The following KCNQ5 variants were observed in gnomAD, a reference collection of about 807,000 sequenced individuals.
KCNQ5 encodes potassium voltage-gated channel subfamily KQT member 5.
KCNQ5 carries 30 observed loss-of-function variants against 98.2 expected under a neutral mutation model. The observed-to-expected ratio is 0.31, with a 90% CI of 0.23 to 0.41. The LOEUF (loss-of-function observed/expected upper bound fraction) is 0.41. Among genes scored for constraint, KCNQ5 ranks in the 10% least tolerant of loss-of-function variants. The pLI is 1.00. For missense variants in KCNQ5, 835 were observed against 1,182.5 expected (o/e 0.71, Z 4.31); for synonymous variants, 458 against 449.4 (o/e 1.02, Z -0.24).
intron 1 of KCNQ5, among the ~76,000 whole-genome samples, chr6:72,754,258 T>C (rs1007614464): frequency 3.3e-5 from 5 of 152,146 alleles, no homozygotes; most frequent in African/African-American, 1.2e-4. Flanking sequence ...TCAAATGCTA[T>C]TTTTATATCT....
chr6:73,145,435 T>C (rs569298150), intron 10 of KCNQ5, among the ~76,000 whole-genome samples: 4 of 152,356 alleles, frequency 2.6e-5, no homozygotes, highest in African/African-American at 9.6e-5. Context: ...AATGAAACAG[T>C]ATAAACCAGC....
chr6:73,170,465 A>C (rs1777968582), intron 11 of KCNQ5, among the ~76,000 whole-genome samples: 1 of 147,008 alleles, frequency 6.8e-6, no homozygotes, highest in African/African-American at 2.5e-5. Context: ...CACACACGCA[A>C]TCAAGATCTG....
chr6:72,795,033 A>G (rs1000537026), intron 1 of KCNQ5, among the ~76,000 whole-genome samples: 3 of 151,994 alleles, frequency 2.0e-5, no homozygotes, highest in Non-Finnish European at 2.9e-5. Context: ...CCATCTCTTG[A>G]CTCTGCTCTG....
chr6:72,925,357 C>T (rs913704608), intron 1 of KCNQ5, among the ~76,000 whole-genome samples: 2 of 152,172 alleles, frequency 1.3e-5, no homozygotes, highest in African/African-American at 4.8e-5. Context: ...AAACAGCTGC[C>T]AGGCATCTGA....
rs73753264 is a variant in KCNQ5, at chr6:73,130,052, T to C, written c.1248-3369T>C. Among the ~76,000 whole-genome samples, 571 of 152,322 alleles carry C rather than the reference T, an allele frequency of 3.7e-3. 4 individuals are homozygous for C. Among genetic ancestry groups the C allele is most frequent in the African/African-American group, 0.013 (538 of 41,572 alleles). ...TGATACTCTCCACCGCTGGGACAAA[T>C]AGTCGGCGTCCCGCGTAGAACTGGC... On this transcript the variant is annotated intron_variant, in intron 9 of 13. Coordinates refer to ENST00000370398, the MANE Select transcript of KCNQ5 (RefSeq NM_019842.4).
chr6:73,012,197 C>T (rs1770094280), intron 2 of KCNQ5, among the ~76,000 whole-genome samples: 1 of 152,102 alleles, frequency 6.6e-6, no homozygotes, highest in East Asian at 1.9e-4. Flanking sequence ...TCACAATAGC[C>T]AGAATGTGGA....
At chr6:72,966,376 T>C (rs568616617) in intron 1 of KCNQ5, among the ~76,000 whole-genome samples, 3 of 150,894 alleles carry the variant, frequency 2.0e-5, no homozygotes, top group African/African-American at 7.3e-5. Flanking sequence ...CTGGCCAACA[T>C]GGTGAAACCC....
At chr6:72,624,508 CACA>C (rs1419805705) in intron 1 of KCNQ5, among the ~76,000 whole-genome samples, 1 of 152,156 alleles carries the variant, frequency 6.6e-6, no homozygotes, top group Non-Finnish European at 1.5e-5. Context: ...GAACTTGCAA[CACA>C]ACATTTTCTT....
chr6:72,834,439 C>T (rs999849539), intron 1 of KCNQ5, among the ~76,000 whole-genome samples: 7 of 152,162 alleles, frequency 4.6e-5, no homozygotes, highest in Admixed American at 6.5e-5. Flanking sequence ...AATGATTTTA[C>T]TGTTTGAGTA....
In KCNQ5 at chr6:73,141,697, C is replaced by T. The variant is rs76274580; in HGVS notation, c.1468+8056C>T. On this transcript the variant is annotated intron_variant, in intron 10 of 13. Coordinates refer to ENST00000370398, the MANE Select transcript of KCNQ5 (RefSeq NM_019842.4). Reference sequence around the variant, plus strand: ...CCTTCGAGTGCTGCCTTAACCATACCTTTTGGCTTCTGTAGATCCAGGTTT... The same window carrying T: ...CCTTCGAGTGCTGCCTTAACCATACTTTTTGGCTTCTGTAGATCCAGGTTT... Among the ~76,000 whole-genome samples, 966 of 152,246 alleles carry T rather than the reference C, an allele frequency of 6.3e-3. 8 individuals are homozygous for T. Among genetic ancestry groups the T allele is most frequent in the African/African-American group, 0.022 (932 of 41,544 alleles).
chr6:73,059,728 G>A (rs540100447), intron 3 of KCNQ5, among the ~76,000 whole-genome samples: 2 of 151,896 alleles, frequency 1.3e-5, no homozygotes, highest in East Asian at 1.9e-4. Context: ...AGAAGTTAAC[G>A]AAATGTATAT....
Position 73,028,051 on chromosome 6 carries a change from A to C in KCNQ5, c.490-13885A>C, listed in dbSNP as rs562027553. 7.2e-5 allele frequency among the ~76,000 whole-genome samples: 11 copies of C among 152,282 alleles called. 1 individual carries two copies. The South Asian group carries it at 2.1e-3, about 29-fold the overall frequency. ...GGGAAAAAAATTCTTGCCTTAATACAATTCTATTCCCTGCCTGCCAAGATA... is the reference window on the plus strand; with the variant it reads ...GGGAAAAAAATTCTTGCCTTAATACCATTCTATTCCCTGCCTGCCAAGATA... On this transcript the variant is annotated intron_variant, in intron 2 of 13. Transcript: ENST00000370398.
intron 1 of KCNQ5, among the ~76,000 whole-genome samples, chr6:72,729,941 C>G (rs958124085): frequency 6.6e-6 from 1 of 152,094 alleles, no homozygotes. Flanking sequence ...TGGGAGGAAC[C>G]TTTGAGGCCA....
chr6:72,890,757 CA>C (rs1779026715), intron 1 of KCNQ5, among the ~76,000 whole-genome samples: 2 of 152,304 alleles, frequency 1.3e-5, no homozygotes, highest in South Asian at 4.1e-4. Context: ...ACAAGCTTTG[CA>C]AAAGCCCCAC....
At chr6:72,794,256 T>C (rs1774209168) in intron 1 of KCNQ5, among the ~76,000 whole-genome samples, 1 of 152,094 alleles carries the variant, frequency 6.6e-6, no homozygotes, top group Admixed American at 6.5e-5. Flanking sequence ...TATGGGGTTG[T>C]CTCAAAATGT....
intron 8 of KCNQ5, among the ~76,000 whole-genome samples, chr6:73,120,924 G>A (rs1013727099): frequency 1.3e-5 from 2 of 152,064 alleles, no homozygotes; most frequent in African/African-American, 4.8e-5. Context: ...TATTTATTTT[G>A]CACCCATCGC....
At chr6:72,779,860 TGTGTGTGTGTGTGTGTGTGTG>T (rs1773368849) in intron 1 of KCNQ5, among the ~76,000 whole-genome samples, 1 of 149,228 alleles carries the variant, frequency 6.7e-6, no homozygotes, top group Non-Finnish European at 1.5e-5. Flanking sequence ...TGTGTGTGTG[TGTGTGTGTGTGTGTGTGTGTG>T]TAAAGATGGG....
intron 1 of KCNQ5, among the ~76,000 whole-genome samples, chr6:72,930,882 A>G (rs997561237): frequency 6.6e-6 from 1 of 152,168 alleles, no homozygotes; most frequent in Non-Finnish European, 1.5e-5. Flanking sequence ...GTCTTAATAC[A>G]TTAGAAAAGA....
chr6:72,974,211 G>A (rs1768040064), intron 1 of KCNQ5, among the ~76,000 whole-genome samples: 1 of 152,166 alleles, frequency 6.6e-6, no homozygotes, highest in Non-Finnish European at 1.5e-5. Flanking sequence ...TTCATTTACA[G>A]TTTGTAGCTG....
Sources: gnomAD v4.1 joint callset for allele counts (sites outside exome capture counted in the v4.1 genomes callset) on GRCh38, gnomAD v4.1.1 for gene constraint, MANE v1.5 for transcripts, NCBI Gene and HGNC (gene_info 2026-07-23, HGNC 2026-07-21) for gene names.